The following RGPD2 variants were observed in gnomAD, a reference collection of about 807,000 sequenced individuals.
RGPD2 encodes RANBP2 like and GRIP domain containing 2, also known as RANBP2-like and GRIP domain-containing protein 2.
RGPD2 carries 2 observed loss-of-function variants against 36.0 expected under a neutral mutation model. The ratio of observed to expected loss-of-function variants is 0.06; its 90% CI spans 0.02 to 0.17. The LOEUF is 0.17. Among genes scored for constraint, RGPD2 ranks in the 10% least tolerant of loss-of-function variants. RGPD2 has a pLI of 1.00. For synonymous variants in RGPD2, 19 were observed against 163.8 expected (o/e 0.12, Z 6.75); for missense variants, 40 against 464.3 (o/e 0.09, Z 8.40).
At chr2:87,943,695 T>C in the RGPD2 span, among the ~76,000 whole-genome samples, 8 of 151,878 alleles carry the variant, frequency 5.3e-5, no homozygotes, top group African/African-American at 1.9e-4. Context: ...TTTGAAGTCT[T>C]TCCTATAGCA....
At chr2:87,921,082 C>T in the RGPD2 span, among the ~76,000 whole-genome samples, 3 of 150,148 alleles carry the variant, frequency 2.0e-5, no homozygotes, top group Non-Finnish European at 4.4e-5. Flanking sequence ...TGTGCCTAGA[C>T]AAAAGAGTTT....
At chr2:87,857,729 G>A in the RGPD2 span, among the ~76,000 whole-genome samples, 2 of 149,096 alleles carry the variant, frequency 1.3e-5, no homozygotes, top group Admixed American at 6.7e-5. Flanking sequence ...ACAAAGTCAG[G>A]AGATTGAGAC....
the RGPD2 span, among the ~76,000 whole-genome samples, chr2:87,883,482 A>T: frequency 6.6e-6 from 1 of 152,098 alleles, no homozygotes; most frequent in African/African-American, 2.4e-5. Context: ...ACAAAAAAAA[A>T]GTATATGAAT....
chr2:87,918,509 G>A, the RGPD2 span, among the ~76,000 whole-genome samples: 1 of 150,480 alleles, frequency 6.6e-6, no homozygotes, highest in South Asian at 2.1e-4. Context: ...GACATATTTG[G>A]TCTGATAGAA....
chr2:87,938,237 G>A, the RGPD2 span, among the ~76,000 whole-genome samples: 3 of 151,736 alleles, frequency 2.0e-5, no homozygotes, highest in African/African-American at 7.3e-5. Context: ...TTAGTAAAAG[G>A]TTATAGAAAT....
the RGPD2 span, among the ~76,000 whole-genome samples, chr2:87,920,360 A>C: frequency 6.6e-6 from 1 of 151,904 alleles, no homozygotes; most frequent in Non-Finnish European, 1.5e-5. Flanking sequence ...TCCACTGACT[A>C]TCTTTTTAAG....
chr2:87,986,878 CAAA>C, the RGPD2 span, among the ~76,000 whole-genome samples: 1 of 143,040 alleles, frequency 7.0e-6, no homozygotes, highest in Non-Finnish European at 1.5e-5. Flanking sequence ...GAAACTGTCT[CAAA>C]AAAAAAAAAA....
chr2:87,925,428 A>AT, the RGPD2 span, among the ~76,000 whole-genome samples: 1 of 12,490 alleles, frequency 8.0e-5, no homozygotes, highest in Admixed American at 7.0e-4. Flanking sequence ...AGCAATTTAG[A>AT]TTCCCCATCT....
chr2:87,857,713 C>T, the RGPD2 span, among the ~76,000 whole-genome samples: 1 of 149,334 alleles, frequency 6.7e-6, no homozygotes, highest in African/African-American at 2.5e-5. Flanking sequence ...CCAAGGTGGG[C>T]TGATCACAAA....
At position 87,756,387 on chromosome 2, in the gene RGPD2, C is replaced by T. The variant is rs1323507696; in HGVS notation, c.*1005G>A. 9.8e-4 allele frequency: 144 copies of T among 147,494 alleles called. 2 individuals carry two copies. Among genetic ancestry groups the T allele is most frequent in the Non-Finnish European group, 1.2e-4 (8 of 66,818 alleles). The allele number at this position is 147,494 out of a possible 1,614,324, so 9.1% of individuals were successfully genotyped here. A position where few individuals can be genotyped will look rare whatever the true frequency, so the allele number is the denominator to read the frequency against. Reference sequence around the variant, plus strand: ...TCAGCCTCGGAAAAGCCTGCCATTCCCCCATCTAAAAACCCTTTCCCCATT... The same window carrying T: ...TCAGCCTCGGAAAAGCCTGCCATTCTCCCATCTAAAAACCCTTTCCCCATT... On this transcript the variant is annotated 3_prime_UTR_variant, in exon 23 of 23. Coordinates refer to ENST00000398146, the MANE Select transcript of RGPD2 (RefSeq NM_001078170.3).
At chr2:87,963,994 C>T in the RGPD2 span, among the ~76,000 whole-genome samples, 3 of 149,798 alleles carry the variant, frequency 2.0e-5, no homozygotes, top group African/African-American at 7.6e-5. Flanking sequence ...TGCCATCACA[C>T]CTGGCTAATT....
the RGPD2 span, among the ~76,000 whole-genome samples, chr2:87,880,234 T>A: frequency 4.6e-5 from 7 of 152,354 alleles, no homozygotes; most frequent in African/African-American, 1.7e-4. Context: ...ATATATAATT[T>A]GCATATATTT....
chr2:87,984,929 C>CA, the RGPD2 span, among the ~76,000 whole-genome samples: 121 of 68,626 alleles, frequency 1.8e-3, 1 homozygote, highest in African/African-American at 5.4e-3. Context: ...CATTCTGTCT[C>CA]AAAAAAAAAA....
the RGPD2 span, among the ~76,000 whole-genome samples, chr2:87,860,726 G>A: frequency 1.3e-5 from 2 of 152,180 alleles, no homozygotes; most frequent in African/African-American, 4.8e-5. Flanking sequence ...TGCAAAGTGT[G>A]TTTGTGTGTG....
At chr2:87,834,840 T>C in the RGPD2 span, among the ~76,000 whole-genome samples, 2 of 151,642 alleles carry the variant, frequency 1.3e-5, no homozygotes, top group Non-Finnish European at 2.9e-5. Flanking sequence ...TTGAAACTTA[T>C]AAGAAGCAAA....
At chr2:87,861,045 A>T in the RGPD2 span, among the ~76,000 whole-genome samples, 1 of 151,880 alleles carries the variant, frequency 6.6e-6, no homozygotes, top group African/African-American at 2.4e-5. Flanking sequence ...GGGTATTTGC[A>T]TGCATAATTT....
chr2:87,863,695 CGTGTGT>C, the RGPD2 span, among the ~76,000 whole-genome samples: 4 of 149,448 alleles, frequency 2.7e-5, no homozygotes, highest in East Asian at 1.9e-4. Context: ...TACACAAATA[CGTGTGT>C]GTGTGTGTGT....
At chr2:87,905,480 A>G in the RGPD2 span, among the ~76,000 whole-genome samples, 1 of 151,984 alleles carries the variant, frequency 6.6e-6, no homozygotes, top group Admixed American at 6.6e-5. Context: ...ACTTGAATAA[A>G]ACAAATACTT....
At chr2:87,945,564 T>C in the RGPD2 span, among the ~76,000 whole-genome samples, 2 of 147,698 alleles carry the variant, frequency 1.4e-5, no homozygotes, top group Admixed American at 6.8e-5. Context: ...ACTGTATCTA[T>C]AATATCTTTT....
Sources: allele counts gnomAD v4.1 joint callset (sites outside exome capture counted in the v4.1 genomes callset), GRCh38; gene constraint gnomAD v4.1.1; transcripts MANE v1.5; gene names NCBI Gene and HGNC (gene_info 2026-07-23, HGNC 2026-07-21).